Variants in ABCG2 observed in about 807,000 individuals in gnomAD.
ABCG2 encodes the protein broad substrate specificity ATP-binding cassette transporter ABCG2.
Under a neutral mutation model 73.5 loss-of-function variants are expected in ABCG2, and 80 were observed. The observed-to-expected ratio is 1.09, with a 90% CI of 0.91 to 1.31. ABCG2 has a LOEUF of 1.31. Among genes scored for constraint, ABCG2 ranks in the 50% most tolerant of loss-of-function variants. The pLI is 0.00. For missense variants in ABCG2, 796 were observed against 786.2 expected, an observed-to-expected ratio of 1.01 and a Z score of -0.15; for synonymous variants, 269 against 282.4, an observed-to-expected ratio of 0.95 and a Z score of 0.48.
chr4:88,132,697 G>C lies in ABCG2; in HGVS notation c.204-62C>G, dbSNP rs1724983324. On this transcript the variant is annotated intron_variant, in intron 2 of 15. Coordinates refer to ENST00000237612, the MANE Select transcript of ABCG2 (RefSeq NM_004827.3). Reference sequence around the variant, plus strand: ...TTTAAGTCAGGTTCTATTAATTTAGGGTAGGCACTGAATATACTCAATGAA... The same window carrying C: ...TTTAAGTCAGGTTCTATTAATTTAGCGTAGGCACTGAATATACTCAATGAA... 3.2e-6 allele frequency: 5 copies of C among 1,548,466 alleles called. No homozygotes were observed. In the Admixed American group the frequency reaches 8.4e-5, roughly 26 times the overall value.
chr4:88,214,768 C>T (rs1729744062), intron 1 of ABCG2, among the ~76,000 whole-genome samples: 2 of 152,084 alleles, frequency 1.3e-5, no homozygotes, highest in Admixed American at 6.6e-5. Context: ...TGCCACCGCA[C>T]TCAAATCTGT....
intron 1 of ABCG2, among the ~76,000 whole-genome samples, chr4:88,180,299 G>A (rs910302466): frequency 6.6e-6 from 1 of 152,092 alleles, no homozygotes; most frequent in Non-Finnish European, 1.5e-5. Context: ...AAAAAAACTT[G>A]GATCCTAGGA....
At chr4:88,227,292 A>AAG (rs1730259126) in intron 1 of ABCG2, among the ~76,000 whole-genome samples, 1 of 152,048 alleles carries the variant, frequency 6.6e-6, no homozygotes, top group South Asian at 2.1e-4. Context: ...AGTACTAGGG[A>AAG]GGCTAAGACA....
intron 1 of ABCG2, among the ~76,000 whole-genome samples, chr4:88,142,378 C>T (rs904174350): frequency 6.6e-6 from 1 of 152,046 alleles, no homozygotes; most frequent in African/African-American, 2.4e-5. Flanking sequence ...TGCCAAAAAC[C>T]AAAGTTATCT....
intron 2 of ABCG2, among the ~76,000 whole-genome samples, chr4:88,138,004 T>G (rs1725370362): frequency 6.6e-6 from 1 of 151,954 alleles, no homozygotes; most frequent in Non-Finnish European, 1.5e-5. Context: ...ACAGAAAATT[T>G]TTAATTAGCC....
chr4:88,223,292 G>C (rs1328805117), intron 1 of ABCG2, among the ~76,000 whole-genome samples: 1 of 152,090 alleles, frequency 6.6e-6, no homozygotes, highest in Non-Finnish European at 1.5e-5. Context: ...GGTCAGGTGA[G>C]GAATCATATG....
intron 5 of ABCG2, among the ~76,000 whole-genome samples, chr4:88,122,003 AG>A (rs1051757418): frequency 3.9e-5 from 6 of 152,118 alleles, no homozygotes; most frequent in African/African-American, 1.2e-4. Flanking sequence ...TCAGTAACTA[AG>A]CCTGATACAA....
intron 1 of ABCG2, among the ~76,000 whole-genome samples, chr4:88,183,692 A>G (rs1464800962): frequency 9.2e-5 from 14 of 152,146 alleles, no homozygotes; most frequent in Admixed American, 9.2e-4. Context: ...GGAAGAGGGA[A>G]TAATTCCAAA....
chr4:88,192,868 T>G (rs1304040430), intron 1 of ABCG2, among the ~76,000 whole-genome samples: 1 of 151,608 alleles, frequency 6.6e-6, no homozygotes, highest in African/African-American at 2.4e-5. Flanking sequence ...CCCACCACCT[T>G]GCCCAGCTAA....
intron 1 of ABCG2, among the ~76,000 whole-genome samples, chr4:88,184,475 C>T (rs1015816812): frequency 6.6e-6 from 1 of 151,840 alleles, no homozygotes; most frequent in Admixed American, 6.6e-5. Context: ...AAATAAAATA[C>T]CTAGGAATTA....
At chr4:88,141,907 C>T (rs1336122778) in intron 1 of ABCG2, among the ~76,000 whole-genome samples, 1 of 152,022 alleles carries the variant, frequency 6.6e-6, no homozygotes, top group African/African-American at 2.4e-5. Context: ...GACAGACTCT[C>T]ACCAAGGAAC....
intron 1 of ABCG2, among the ~76,000 whole-genome samples, chr4:88,210,065 T>C (rs563409687): frequency 6.6e-6 from 1 of 152,310 alleles, no homozygotes; most frequent in South Asian, 2.1e-4. Context: ...TGTATAAGAC[T>C]ATTACCTTGT....
intron 1 of ABCG2, among the ~76,000 whole-genome samples, chr4:88,150,798 G>A (rs1726415072): frequency 6.6e-6 from 1 of 152,214 alleles, no homozygotes; most frequent in Non-Finnish European, 1.5e-5. Flanking sequence ...GTCATGGGTA[G>A]GGACAATGCA....
At chr4:88,128,629 G>A (rs1724605550) in intron 5 of ABCG2, among the ~76,000 whole-genome samples, 1 of 152,140 alleles carries the variant, frequency 6.6e-6, no homozygotes, top group Non-Finnish European at 1.5e-5. Context: ...CAGGGACATG[G>A]ATGAAGCTGG....
intron 1 of ABCG2, among the ~76,000 whole-genome samples, chr4:88,205,422 C>CACACTACCTTTCTATAT (rs1215352059): frequency 6.6e-6 from 1 of 152,144 alleles, no homozygotes; most frequent in Non-Finnish European, 1.5e-5. Flanking sequence ...CTTTTCTTTT[C>CACACTACCTTTCTATAT]ACACTACCTT....
At chr4:88,128,290 G>A (rs13132813) in intron 5 of ABCG2, among the ~76,000 whole-genome samples, 1 of 152,228 alleles carries the variant, frequency 6.6e-6, no homozygotes, top group Non-Finnish European at 1.5e-5. Flanking sequence ...TGGAGAGGAT[G>A]TGGAGAAATA....
upstream of ABCG2, among the ~76,000 whole-genome samples, chr4:88,162,466 G>T (rs952024296): frequency 6.6e-6 from 1 of 152,206 alleles, no homozygotes; most frequent in South Asian, 2.1e-4. Context: ...ATTTTAGATT[G>T]TGATGTTTCA....
At chr4:88,104,221 A>G (rs1722623919) in intron 10 of ABCG2, among the ~76,000 whole-genome samples, 1 of 152,234 alleles carries the variant, frequency 6.6e-6, no homozygotes. Context: ...ATTAAAACCC[A>G]GTTTCTCAGT....
rs181206300 is a variant in ABCG2 at position 88,131,145 on chromosome 4, T to C, written c.447A>G (p.Ala149=). Residue 149 remains alanine (A), a synonymous_variant, in exon 5 of 16, where the codon GCA becomes GCG. Coordinates refer to ENST00000237612, the MANE Select transcript of ABCG2 (RefSeq NM_004827.3). The stretch of plus-strand genomic sequence containing the variant: ...TTTTTTCATGATTCGTCATAGTTGT[T>C]GCAAGCCGAAGAGCTGCTGAGAACT... ...NLQFSAALRL[A]TTMTNHEKNE... is the part of the protein sequence containing the mutation. 9.3e-6 allele frequency: 15 copies of C among 1,614,082 alleles called. No individual in the cohort carries two copies. In the African/African-American group the frequency reaches 2.0e-4, roughly 22 times the overall value.
Sources: allele counts gnomAD v4.1 joint callset (sites outside exome capture counted in the v4.1 genomes callset), GRCh38; gene constraint gnomAD v4.1.1; transcripts MANE v1.5; gene names NCBI Gene and HGNC (gene_info 2026-07-23, HGNC 2026-07-21).